Variants in NRXN3 observed in about 807,000 individuals in gnomAD.
NRXN3 encodes neurexin III.
In NRXN3, 32 loss-of-function variants were observed where a neutral mutation model predicts 137.6. The observed-to-expected ratio is 0.23, with a 90% CI of 0.18 to 0.31. The LOEUF (loss-of-function observed/expected upper bound fraction) is 0.31, where lower values mean the gene tolerates loss of function less well. NRXN3 is among the 10% of genes least tolerant of loss of function. The pLI is 1.00. For missense variants in NRXN3, 1,574 were observed against 2,062.5 expected (o/e 0.76, Z 4.59); for synonymous variants, 798 against 784.5 (o/e 1.02, Z -0.29).
At chr14:79,558,108 C>T (rs1490388162) in intron 16 of NRXN3, among the ~76,000 whole-genome samples, 1 of 152,126 alleles carries the variant, frequency 6.6e-6, no homozygotes, top group Non-Finnish European at 1.5e-5. Flanking sequence ...TATCTTCAGG[C>T]TCTACTTCTA....
intron 4 of NRXN3, among the ~76,000 whole-genome samples, chr14:78,309,099 G>T (rs564053458): frequency 3.3e-5 from 5 of 151,992 alleles, no homozygotes; most frequent in African/African-American, 1.2e-4. Flanking sequence ...ACCTATTTGC[G>T]TATTGACTGG....
At chr14:79,640,032 C>T (rs1432483560) in intron 16 of NRXN3, among the ~76,000 whole-genome samples, 1 of 90,314 alleles carries the variant, frequency 1.1e-5, no homozygotes, top group Non-Finnish European at 3.2e-5. Flanking sequence ...TCTTGTTGTC[C>T]CTATAGTGTA....
intron 20 of NRXN3, among the ~76,000 whole-genome samples, chr14:79,827,691 CTTTTTT>C (rs71103825): frequency 7.7e-5 from 10 of 129,542 alleles, no homozygotes; most frequent in Admixed American, 8.0e-5. Flanking sequence ...ATGCCACAAA[CTTTTTT>C]TTTTTTTTTT....
At chr14:79,504,033 C>T (rs1290434908) in intron 16 of NRXN3, among the ~76,000 whole-genome samples, 1 of 152,136 alleles carries the variant, frequency 6.6e-6, no homozygotes, top group Non-Finnish European at 1.5e-5. Context: ...TTTGGAGTTC[C>T]ACAACAGTGT....
chr14:78,471,334 C>CACACA (rs1567685088), intron 4 of NRXN3, among the ~76,000 whole-genome samples: 13 of 10,362 alleles, frequency 1.3e-3, no homozygotes, highest in African/African-American at 3.1e-3. Flanking sequence ...ACACACACAC[C>CACACA]CCCAAGAAAT....
chr14:78,258,239 A>G (rs2070009784), intron 2 of NRXN3, among the ~76,000 whole-genome samples: 2 of 152,224 alleles, frequency 1.3e-5, no homozygotes, highest in South Asian at 2.1e-4. Context: ...AAAGAGAAAG[A>G]CAGAGCTTCA....
At chr14:79,547,847 C>A (rs759966237) in intron 16 of NRXN3, among the ~76,000 whole-genome samples, 1 of 152,064 alleles carries the variant, frequency 6.6e-6, no homozygotes, top group African/African-American at 2.4e-5. Context: ...GATGGCCTAT[C>A]GTTTTGAATT....
intron 15 of NRXN3, among the ~76,000 whole-genome samples, chr14:79,326,243 G>T (rs114917156): frequency 0.021 from 3,191 of 152,186 alleles, 112 homozygotes; most frequent in African/African-American, 0.073. Context: ...TCTTCTTAAG[G>T]ACCTTAGTGC....
chr14:79,430,223 T>C (rs1252071220), intron 15 of NRXN3, among the ~76,000 whole-genome samples: 3 of 152,202 alleles, frequency 2.0e-5, no homozygotes, highest in African/African-American at 7.2e-5. Context: ...GGGTTGACAC[T>C]TAAGACTGCG....
chr14:79,242,387 C>G (rs2074450133), intron 15 of NRXN3, among the ~76,000 whole-genome samples: 1 of 152,134 alleles, frequency 6.6e-6, no homozygotes, highest in African/African-American at 2.4e-5. Flanking sequence ...TGCATGCTGG[C>G]TCAAAGGAGT....
rs1263153778 is a variant in NRXN3, at chr14:78,215,966, G to A, written c.-703-26425G>A. Among the ~76,000 whole-genome samples, 7 of 152,194 alleles carry A rather than the reference G, an allele frequency of 4.6e-5. No homozygotes were observed. In the South Asian group the frequency reaches 8.3e-4, roughly 18 times the overall value. ...CAGTGATTGATAAACTGCTCTGTGT[G>A]TAATGATAACATGGGGAATTTCCTG... On this transcript the variant is annotated intron_variant, in intron 1 of 20. Coordinates refer to ENST00000335750, the MANE Select transcript of NRXN3 (RefSeq NM_001330195.2).
intron 4 of NRXN3, among the ~76,000 whole-genome samples, chr14:78,439,728 G>A (rs371587746): frequency 3.3e-5 from 5 of 152,302 alleles, no homozygotes; most frequent in East Asian, 1.9e-4. Flanking sequence ...AAACCAAGGC[G>A]AAATTTGCTC....
chr14:78,553,926 C>T (rs1313492136), intron 4 of NRXN3, among the ~76,000 whole-genome samples: 1 of 152,042 alleles, frequency 6.6e-6, no homozygotes, highest in Non-Finnish European at 1.5e-5. Context: ...TGTGATTTAT[C>T]ACAGTTGGAA....
intron 10 of NRXN3, among the ~76,000 whole-genome samples, chr14:78,817,795 T>G (rs77016912): frequency 1.3e-5 from 2 of 152,188 alleles, no homozygotes; most frequent in South Asian, 4.2e-4. Context: ...TTAATCTATT[T>G]ATGAGGGATT....
chr14:78,961,643 A>G (rs2099408404), intron 11 of NRXN3, among the ~76,000 whole-genome samples: 1 of 152,216 alleles, frequency 6.6e-6, no homozygotes, highest in South Asian at 2.1e-4. Flanking sequence ...TGCTAACTTC[A>G]TATCCGTTTT....
intron 4 of NRXN3, among the ~76,000 whole-genome samples, chr14:78,450,621 T>C (rs8006094): frequency 0.2 from 29,800 of 152,092 alleles, 4,575 homozygotes; most frequent in East Asian, 0.44. Flanking sequence ...GGGAAGGAGC[T>C]CTGGGAGGCT....
intron 15 of NRXN3, among the ~76,000 whole-genome samples, chr14:79,037,125 C>T (rs896689806): frequency 7.2e-5 from 11 of 152,058 alleles, no homozygotes; most frequent in Non-Finnish European, 1.5e-4. Flanking sequence ...CTAGCTTCTT[C>T]ATCCAGAAAC....
chr14:78,449,068 T>G (rs931167887), intron 4 of NRXN3, among the ~76,000 whole-genome samples: 5 of 152,136 alleles, frequency 3.3e-5, no homozygotes, highest in Admixed American at 1.3e-4. Flanking sequence ...CAAATTACTT[T>G]TTAGTACACT....
intron 1 of NRXN3, among the ~76,000 whole-genome samples, chr14:78,179,824 G>GTTTTTTTTTTTTTTTTTTT (rs1566912649): frequency 7.9e-5 from 1 of 12,622 alleles, no homozygotes; most frequent in Non-Finnish European, 2.2e-4. Flanking sequence ...TTTTTTTTTT[G>GTTTTTTTTTTTTTTTTTTT]TTTGTTTCTG....
Sources: gnomAD v4.1 joint callset for allele counts (sites outside exome capture counted in the v4.1 genomes callset) on GRCh38, gnomAD v4.1.1 for gene constraint, MANE v1.5 for transcripts, NCBI Gene and HGNC (gene_info 2026-07-23, HGNC 2026-07-21) for gene names.